Variants in CAMTA1 observed in about 807,000 individuals in gnomAD.
CAMTA1 encodes the protein calmodulin-binding transcription activator 1.
In CAMTA1, 27 loss-of-function variants were observed where a neutral mutation model predicts 170.9. The ratio of observed to expected loss-of-function variants is 0.16; its 90% CI spans 0.12 to 0.22. CAMTA1 has a LOEUF of 0.22. CAMTA1 is among the 10% of genes least tolerant of loss of function. CAMTA1 has a pLI of 1.00. For missense variants in CAMTA1, 1,619 were observed against 2,217.2 expected (o/e 0.73, Z 5.42); for synonymous variants, 833 against 891.5 (o/e 0.93, Z 1.17).
chr1:7,383,521 G>C (rs150080632), intron 5 of CAMTA1, among the ~76,000 whole-genome samples: 1 of 152,112 alleles, frequency 6.6e-6, no homozygotes, highest in Non-Finnish European at 1.5e-5. Flanking sequence ...AAAAATGGGC[G>C]TAGGATATCT....
intron 3 of CAMTA1, among the ~76,000 whole-genome samples, chr1:6,946,454 A>G (rs1263599398): frequency 6.6e-6 from 1 of 152,120 alleles, no homozygotes; most frequent in East Asian, 1.9e-4. Flanking sequence ...AGCCTCACAC[A>G]GTGCCAGGAT....
At chr1:7,407,793 G>A (rs2090407364) in intron 5 of CAMTA1, among the ~76,000 whole-genome samples, 1 of 152,124 alleles carries the variant, frequency 6.6e-6, no homozygotes, top group South Asian at 2.1e-4. Flanking sequence ...TCCAGGCATG[G>A]ATGTAGGTGA....
In CAMTA1 at chr1:7,702,210, C is replaced by T. The variant is rs560553523; in HGVS notation, c.2914+24477C>T. On this transcript the variant is annotated intron_variant, in intron 11 of 22. Transcript: ENST00000303635. The stretch of plus-strand genomic sequence containing the variant: ...GCCTCCTGGGCTGCTGCAGCCATGA[C>T]CCCACCTGTCCCACCTGCTCGGCAG... Among the ~76,000 whole-genome samples the T allele has an allele frequency of 5.9e-5, 9 of 152,114 alleles. 1 individual carries two copies. The highest frequency in any genetic ancestry group is 1.3e-4 in the Non-Finnish European group (9 of 68,012).
intron 5 of CAMTA1, among the ~76,000 whole-genome samples, chr1:7,318,539 G>T (rs1381864225): frequency 6.6e-6 from 1 of 152,142 alleles, no homozygotes; most frequent in Non-Finnish European, 1.5e-5. Context: ...CCTCCATCTT[G>T]GTATCCAATG....
Position 7,737,461 on chromosome 1 carries a change from T to C in CAMTA1, c.3549T>C (p.Pro1183=). The part of the protein sequence containing the change: ...QLGQNPRIHC[P]ASEEPSTESW... ...GACAGAACCCCAGAATCCACTGTCC[T>C]GCAAGCGAAGAGCCCAGCACAGAGA... Residue 1183 remains proline, a synonymous_variant, in exon 15 of 23, where the codon CCT becomes CCC. Transcript: ENST00000303635. The C allele has an allele frequency of 6.2e-7, 1 of 1,614,128 alleles. No individual in the cohort carries two copies. The highest frequency in any genetic ancestry group is 8.5e-7 in the Non-Finnish European group (1 of 1,179,976).
intron 3 of CAMTA1, among the ~76,000 whole-genome samples, chr1:6,995,407 G>A (rs1039057157): frequency 2.8e-5 from 4 of 140,986 alleles, no homozygotes; most frequent in South Asian, 2.3e-4. Flanking sequence ...GGGTTCAAGC[G>A]ATTCTTTTGC....
At chr1:7,568,582 A>AACATCACCATCATCATCACC (rs1324739104) in intron 6 of CAMTA1, among the ~76,000 whole-genome samples, 1 of 145,784 alleles carries the variant, frequency 6.9e-6, no homozygotes, top group East Asian at 2.1e-4. Context: ...AACCATCATC[A>AACATCACCATCATCATCACC]ACATCACCAT....
chr1:7,220,526 C>T (rs541490892), intron 4 of CAMTA1, among the ~76,000 whole-genome samples: 4 of 152,234 alleles, frequency 2.6e-5, no homozygotes, highest in East Asian at 1.9e-4. Flanking sequence ...CTGTCTCCTC[C>T]GAGACCACTG....
intron 5 of CAMTA1, among the ~76,000 whole-genome samples, chr1:7,350,163 C>CT (rs1325457994): frequency 6.6e-6 from 1 of 152,148 alleles, no homozygotes; most frequent in Non-Finnish European, 1.5e-5. Flanking sequence ...TGCTCTTGTT[C>CT]TCCCCCACTA....
chr1:7,550,298 C>A (rs554756284), intron 6 of CAMTA1, among the ~76,000 whole-genome samples: 1 of 152,196 alleles, frequency 6.6e-6, no homozygotes, highest in South Asian at 2.1e-4. Flanking sequence ...AGGGGAAGAA[C>A]AAGATGATGG....
intron 5 of CAMTA1, among the ~76,000 whole-genome samples, chr1:7,282,335 C>G (rs1477500144): frequency 6.6e-6 from 1 of 152,052 alleles, no homozygotes; most frequent in Non-Finnish European, 1.5e-5. Context: ...CCCCTCTGCC[C>G]AAGTCCAGCC....
chr1:6,974,101 G>A (rs536927325), intron 3 of CAMTA1, among the ~76,000 whole-genome samples: 2 of 152,306 alleles, frequency 1.3e-5, no homozygotes, highest in Non-Finnish European at 1.5e-5. Context: ...CTTACTGGGG[G>A]CCCACACAGT....
chr1:7,001,987 C>G (rs1202367538), intron 3 of CAMTA1, among the ~76,000 whole-genome samples: 3 of 151,500 alleles, frequency 2.0e-5, no homozygotes, highest in Non-Finnish European at 4.4e-5. Flanking sequence ...ACCTCCGCCT[C>G]CCAGGTTCAA....
intron 3 of CAMTA1, among the ~76,000 whole-genome samples, chr1:6,855,681 C>G (rs1004088271): frequency 6.6e-6 from 1 of 151,972 alleles, no homozygotes; most frequent in Non-Finnish European, 1.5e-5. Flanking sequence ...ACTTCATCAC[C>G]AGTAAATTGA....
chr1:6,824,010 G>A (rs554402363), intron 2 of CAMTA1, among the ~76,000 whole-genome samples: 1 of 152,284 alleles, frequency 6.6e-6, no homozygotes. Context: ...CAATTAGAAA[G>A]TAGCAGAACT....
chr1:7,235,261 C>T (rs534477123), intron 4 of CAMTA1, among the ~76,000 whole-genome samples: 17 of 152,186 alleles, frequency 1.1e-4, no homozygotes, highest in African/African-American at 3.4e-4. Context: ...AGGGTTATAG[C>T]GAGGATTCGA....
chr1:7,385,783 C>T (rs1575048521), intron 5 of CAMTA1, among the ~76,000 whole-genome samples: 1 of 152,372 alleles, frequency 6.6e-6, no homozygotes, highest in African/African-American at 2.4e-5. Flanking sequence ...GCTCTCACCA[C>T]CCACTGCTAG....
intron 11 of CAMTA1, among the ~76,000 whole-genome samples, chr1:7,706,419 C>G (rs996864076): frequency 3.9e-5 from 6 of 152,170 alleles, no homozygotes; most frequent in Admixed American, 3.3e-4. Context: ...CTCTTACTAC[C>G]TTGAGGAACT....
chr1:7,140,092 A>T (rs188434895), intron 4 of CAMTA1, among the ~76,000 whole-genome samples: 1 of 152,286 alleles, frequency 6.6e-6, no homozygotes, highest in Non-Finnish European at 1.5e-5. Flanking sequence ...AGAGAGGTGA[A>T]GTACTTTGCT....
Sources: allele counts gnomAD v4.1 joint callset (sites outside exome capture counted in the v4.1 genomes callset), GRCh38; gene constraint gnomAD v4.1.1; transcripts MANE v1.5; gene names NCBI Gene and HGNC (gene_info 2026-07-23, HGNC 2026-07-21).